The following PIBF1 variants were observed in gnomAD, a reference collection of about 807,000 sequenced individuals.
The protein encoded by PIBF1 is progesterone-induced-blocking factor 1.
In PIBF1, 90 loss-of-function variants were observed where a neutral mutation model predicts 112.5. The ratio of observed to expected loss-of-function variants is 0.80; its 90% confidence interval spans 0.67 to 0.95. The LOEUF (loss-of-function observed/expected upper bound fraction) is 0.95. Ranked by LOEUF, PIBF1 falls within the 40% of genes least tolerant of loss-of-function variation. The probability of loss-of-function intolerance (pLI) is 0.00; values close to 1 mark genes in which losing one functional copy is unlikely to be tolerated. For synonymous variants in PIBF1, 301 were observed against 288.6 expected (o/e 1.04, Z -0.44); for missense variants, 915 against 852.3 (o/e 1.07, Z -0.92).
chr13:72,918,904 G>A (rs1327006925), intron 13 of PIBF1, among the ~76,000 whole-genome samples: 5 of 151,556 alleles, frequency 3.3e-5, no homozygotes, highest in Non-Finnish European at 7.4e-5. Context: ...GGGTTTCACT[G>A]TATTGGCCAG....
At chr13:72,927,375 G>A (rs2041520677) in intron 13 of PIBF1, among the ~76,000 whole-genome samples, 1 of 152,144 alleles carries the variant, frequency 6.6e-6, no homozygotes, top group Non-Finnish European at 1.5e-5. Context: ...CTAGTGGCGG[G>A]CACCTGTGGT....
At chr13:72,921,291 C>T (rs1178361339) in intron 13 of PIBF1, among the ~76,000 whole-genome samples, 1 of 151,894 alleles carries the variant, frequency 6.6e-6, no homozygotes, top group Non-Finnish European at 1.5e-5. Flanking sequence ...TTAGTAGAGA[C>T]AGGGTTTCAC....
chr13:72,877,797 T>G (rs1312483726), intron 10 of PIBF1, among the ~76,000 whole-genome samples: 1 of 151,610 alleles, frequency 6.6e-6, no homozygotes, highest in African/African-American at 2.4e-5. Context: ...TTGTGCAGGC[T>G]GGAGTACAGT....
intron 2 of PIBF1, among the ~76,000 whole-genome samples, chr13:72,790,393 T>C (rs767954261): frequency 6.8e-5 from 10 of 148,042 alleles, no homozygotes; most frequent in Admixed American, 1.4e-4. Context: ...CTAAATGTAA[T>C]TGTCAGTTAG....
rs199664383 is a variant in PIBF1, at chr13:72,792,557, GT to G, written c.353+18del. On this transcript the variant is annotated intron_variant, in intron 3 of 17. Transcript: ENST00000326291. ...AACAGAAAGATGCCAGGTAAGAAAA[GT>G]TTTTTTTAAAAAAAAAACAACATCT... 15 of 1,236,034 alleles carry G rather than the reference GT, an allele frequency of 1.2e-5. No homozygotes were observed. The highest frequency in any genetic ancestry group is 1.5e-5 in the South Asian group (1 of 66,728). 76.6% of individuals were successfully genotyped at this position (1,236,034 alleles called of 1,614,324 possible).
chr13:72,994,675 T>C (rs996145231), intron 16 of PIBF1, among the ~76,000 whole-genome samples: 2 of 151,904 alleles, frequency 1.3e-5, no homozygotes, highest in Non-Finnish European at 2.9e-5. Context: ...ATGCAAACAA[T>C]GAGAGCGGAA....
At chr13:73,014,387 A>C (rs1374996319) in intron 17 of PIBF1, among the ~76,000 whole-genome samples, 1 of 152,130 alleles carries the variant, frequency 6.6e-6, no homozygotes, top group Non-Finnish European at 1.5e-5. Context: ...AAAACTACAG[A>C]CCAATATCTC....
chr13:72,976,095 A>G (rs1483560400), intron 16 of PIBF1, among the ~76,000 whole-genome samples: 3 of 152,168 alleles, frequency 2.0e-5, no homozygotes, highest in African/African-American at 7.2e-5. Context: ...ACGTTTAAGC[A>G]TGCAAATTAA....
chr13:72,820,286 A>C (rs2036491416), intron 5 of PIBF1, among the ~76,000 whole-genome samples: 1 of 152,132 alleles, frequency 6.6e-6, no homozygotes, highest in African/African-American at 2.4e-5. Context: ...CCATAACACT[A>C]TACTCTCTTC....
intron 15 of PIBF1, among the ~76,000 whole-genome samples, chr13:72,973,091 G>A (rs1566505962): frequency 6.6e-6 from 1 of 152,160 alleles, no homozygotes. Flanking sequence ...CAGCATCTCA[G>A]TTACGTTGTC....
At position 72,996,089 on chromosome 13, in the gene PIBF1, G is replaced by GA. The variant is rs1156850423; in HGVS notation, c.2050-2733_2050-2732insA. Among the ~76,000 whole-genome samples, 7 of 111,004 alleles carry GA rather than the reference G, an allele frequency of 6.3e-5. 2 individuals carry two copies. 72.8% of individuals were successfully genotyped at this position (111,004 alleles called of 152,430 possible). A position where few individuals can be genotyped will look rare whatever the true frequency, so the allele number is the denominator to read the frequency against. On this transcript the variant is annotated intron_variant, in intron 16 of 17. Coordinates refer to ENST00000326291, the MANE Select transcript of PIBF1 (RefSeq NM_006346.4). ...TCTTCATAACAAAAAAAAAAAAGCGGGGGGGGGGGGTCATAAACAAAGTCA... is the reference window on the plus strand; with the variant it reads ...TCTTCATAACAAAAAAAAAAAAGCGGAGGGGGGGGGGTCATAAACAAAGTCA...
At chr13:72,885,193 G>A (rs1053577423) in intron 10 of PIBF1, among the ~76,000 whole-genome samples, 1 of 152,008 alleles carries the variant, frequency 6.6e-6, no homozygotes, top group Admixed American at 6.6e-5. Flanking sequence ...TATCCACACT[G>A]TATATTTTTT....
chr13:72,785,866 A>G (rs767425122), intron 2 of PIBF1, among the ~76,000 whole-genome samples: 31 of 152,156 alleles, frequency 2.0e-4, no homozygotes, highest in Non-Finnish European at 3.5e-4. Flanking sequence ...TTCAACTTGC[A>G]TTGTCCTTGG....
intron 10 of PIBF1, among the ~76,000 whole-genome samples, chr13:72,877,033 T>TA (rs2039436788): frequency 1.3e-5 from 2 of 152,176 alleles, no homozygotes; most frequent in African/African-American, 4.8e-5. Flanking sequence ...TGTTATTTTT[T>TA]ATCAAGTTGA....
chr13:72,865,040 A>G (rs986446231), intron 10 of PIBF1, among the ~76,000 whole-genome samples: 3 of 152,172 alleles, frequency 2.0e-5, no homozygotes, highest in African/African-American at 7.2e-5. Context: ...TTGGAAATGT[A>G]TGTTTTGGAG....
Position 72,918,323 on chromosome 13 carries a change from A to G in PIBF1, c.1730+1157A>G, listed in dbSNP as rs535810319. On this transcript the variant is annotated intron_variant, in intron 13 of 17. Transcript: ENST00000326291. ...GAGCATTTCTCTTATCTCATTAGCT[A>G]TCATTTCCTGTGTAATTTACCCATC... is the stretch of plus-strand genomic sequence containing the variant. Among the ~76,000 whole-genome samples, 10 of 151,218 alleles carry G rather than the reference A, an allele frequency of 6.6e-5. No individual in the cohort carries two copies. In the East Asian group the frequency reaches 1.9e-3, roughly 29 times the overall value.
intron 17 of PIBF1, among the ~76,000 whole-genome samples, chr13:73,011,561 A>G (rs1177553242): frequency 6.6e-6 from 1 of 152,012 alleles, no homozygotes; most frequent in Admixed American, 6.6e-5. Flanking sequence ...CCTGGGAAAA[A>G]CTCAATACCC....
chr13:72,795,573 CTATTTT>C lies in PIBF1; in HGVS notation c.552+19_552+24del. ...ATATGTATCTGTAAGTATCTTATAT[CTATTTT>C]TAACTATGACATATATTTTCAGACT... On this transcript the variant is annotated intron_variant, in intron 4 of 17. Transcript: ENST00000326291. The C allele has an allele frequency of 7.3e-7, 1 of 1,372,494 alleles. No individual in the cohort carries two copies. Among genetic ancestry groups the C allele is most frequent in the Non-Finnish European group, 1.0e-6 (1 of 982,246 alleles). 85.0% of individuals were successfully genotyped at this position (1,372,494 alleles called of 1,614,324 possible). A position where few individuals can be genotyped will look rare whatever the true frequency, so the allele number is the denominator to read the frequency against.
chr13:72,852,910 C>T (rs975843795), intron 9 of PIBF1, among the ~76,000 whole-genome samples: 2 of 152,108 alleles, frequency 1.3e-5, no homozygotes, highest in Non-Finnish European at 1.5e-5. Context: ...GGCTGTGTGA[C>T]TTGAGGCTAG....
Sources: allele counts gnomAD v4.1 joint callset (sites outside exome capture counted in the v4.1 genomes callset), GRCh38; gene constraint gnomAD v4.1.1; transcripts MANE v1.5; gene names NCBI Gene and HGNC (gene_info 2026-07-23, HGNC 2026-07-21).